The following STIL variants were observed in gnomAD, a reference collection of about 807,000 sequenced individuals.
STIL encodes the protein STIL centriolar assembly protein.
In STIL, 55 loss-of-function variants were observed where a neutral mutation model predicts 110.1. That is an observed-to-expected ratio of 0.50 (90% CI 0.40 to 0.63). The LOEUF (loss-of-function observed/expected upper bound fraction) is 0.63, where lower values mean the gene tolerates loss of function less well. Ranked by LOEUF, STIL falls within the 20% of genes least tolerant of loss-of-function variation. The probability of loss-of-function intolerance (pLI) is 0.00; values close to 1 mark genes in which losing one functional copy is unlikely to be tolerated. For missense variants in STIL, 1,358 were observed against 1,530.0 expected (o/e 0.89, Z 1.87); for synonymous variants, 481 against 530.0 (o/e 0.91, Z 1.27).
In STIL at chr1:47,263,045, C is replaced by T; in HGVS notation, c.2687G>A (p.Ser896Asn). 1.2e-6 allele frequency: 2 copies of T among 1,614,194 alleles called. No homozygotes were observed. The highest frequency in any genetic ancestry group is 1.1e-5 in the South Asian group (1 of 91,082). ...TCCAGTCTGTAAACACATGCTTACACTTTCTGCCAGCTGGCCACTTGGAAA... is the reference window on the plus strand; with the variant it reads ...TCCAGTCTGTAAACACATGCTTACATTTTCTGCCAGCTGGCCACTTGGAAA... ...VFFPSGQLAESVSMCLQTGPT... is the reference protein window; with the variant it reads ...VFFPSGQLAENVSMCLQTGPT... The change falls in exon 15 of 17, where the codon AGT becomes AAT. Residue 896 changes from serine to asparagine, a missense_variant. Ser to Asn is a conservative substitution (Grantham distance 46). Coordinates refer to ENST00000371877, the MANE Select transcript of STIL (RefSeq NM_001048166.1).
chr1:47,253,959 A>G (rs1396307569), intron 16 of STIL, among the ~76,000 whole-genome samples: 1 of 152,000 alleles, frequency 6.6e-6, no homozygotes, highest in Non-Finnish European at 1.5e-5. Context: ...TGAGCAGATC[A>G]CCTGAGGTCA....
Position 47,301,884 on chromosome 1 carries a change from T to C in STIL, c.266-136A>G, listed in dbSNP as rs1645814648. 4.9e-6 allele frequency: 4 copies of C among 810,646 alleles called. No individual in the cohort carries two copies. The South Asian group carries it at 6.3e-5, about 13-fold the overall frequency. 50.2% of individuals were successfully genotyped at this position (810,646 alleles called of 1,614,324 possible). On this transcript the variant is annotated intron_variant, in intron 4 of 16. Coordinates refer to ENST00000371877, the MANE Select transcript of STIL (RefSeq NM_001048166.1). ...AACTCTTAAATACTAAACTAAACTCTTACAGTAAACTAAACTCTTATAAGC... is the reference window on the plus strand; with the variant it reads ...AACTCTTAAATACTAAACTAAACTCCTACAGTAAACTAAACTCTTATAAGC...
At chr1:47,271,383 C>T (rs1238122064) in intron 13 of STIL, among the ~76,000 whole-genome samples, 1 of 151,426 alleles carries the variant, frequency 6.6e-6, no homozygotes, top group African/African-American at 2.4e-5. Flanking sequence ...ACCAGCCTGA[C>T]CAACATAGTG....
intron 2 of STIL, among the ~76,000 whole-genome samples, chr1:47,309,064 A>T (rs1053632707): frequency 3.3e-5 from 5 of 151,966 alleles, no homozygotes; most frequent in African/African-American, 7.2e-5. Flanking sequence ...AAAAAAAAAA[A>T]AAATAATAAT....
At chr1:47,266,491 T>C (rs1263655119) in intron 14 of STIL, among the ~76,000 whole-genome samples, 6 of 152,158 alleles carry the variant, frequency 3.9e-5, no homozygotes, top group Admixed American at 2.0e-4. Flanking sequence ...CCTGAGTAGG[T>C]GGAACTACTA....
intron 4 of STIL, 133 bp from the exon 5 acceptor site, chr1:47,301,881 C>T: frequency 2.4e-6 from 2 of 818,506 alleles, no homozygotes; most frequent in South Asian, 3.1e-5. Flanking sequence ...CTAAACTAAA[C>T]TCTTACAGTA....
chr1:47,296,334 A>G (rs1221682164), intron 6 of STIL, among the ~76,000 whole-genome samples: 1 of 152,168 alleles, frequency 6.6e-6, no homozygotes, highest in Admixed American at 6.5e-5. Context: ...TATTCCTCCA[A>G]CCACTGTCAA....
chr1:47,288,957 G>T (rs1006657968), intron 9 of STIL, among the ~76,000 whole-genome samples: 59 of 149,440 alleles, frequency 3.9e-4, no homozygotes, highest in African/African-American at 1.4e-3. Flanking sequence ...AGCTATTCTG[G>T]AGGTTGAGGC....
chr1:47,263,847 G>C (rs1299877348), intron 14 of STIL, among the ~76,000 whole-genome samples: 1 of 146,410 alleles, frequency 6.8e-6, no homozygotes, highest in East Asian at 2.0e-4. Flanking sequence ...CTGCCTTCTG[G>C]GTTCAAGCGA....
At chr1:47,290,153 C>G (rs1645439004) in intron 8 of STIL, among the ~76,000 whole-genome samples, 1 of 152,102 alleles carries the variant, frequency 6.6e-6, no homozygotes, top group Non-Finnish European at 1.5e-5. Context: ...AAAAGTAGAA[C>G]TCCAAAAGCA....
intron 1 of STIL, among the ~76,000 whole-genome samples, chr1:47,311,287 T>TTC (rs1553184210): frequency 6.7e-6 from 1 of 148,704 alleles, no homozygotes; most frequent in African/African-American, 2.5e-5. Context: ...TTTTTTCTTT[T>TTC]TTTTTTTTTT....
At chr1:47,298,408 A>C (rs2149163662) in intron 6 of STIL, among the ~76,000 whole-genome samples, 1 of 152,340 alleles carries the variant, frequency 6.6e-6, no homozygotes, top group South Asian at 2.1e-4. Context: ...TTTCCTAAGA[A>C]ATTAAGAGTG....
intron 8 of STIL, 48 bp downstream of exon 8, chr1:47,293,410 T>C (rs764311166): frequency 5.6e-5 from 83 of 1,473,188 alleles, no homozygotes; most frequent in Non-Finnish European, 7.7e-5. Flanking sequence ...AAACTATGAA[T>C]GGGGGAAAGG....
chr1:47,305,922 G>A (rs1350572957), intron 2 of STIL, among the ~76,000 whole-genome samples: 2 of 148,044 alleles, frequency 1.4e-5, no homozygotes, highest in Admixed American at 6.8e-5. Flanking sequence ...TAGTAGAGAC[G>A]GGGTTTCACC....
intron 3 of STIL, among the ~76,000 whole-genome samples, chr1:47,304,506 T>G (rs1282455773): frequency 6.6e-6 from 1 of 152,242 alleles, no homozygotes; most frequent in East Asian, 1.9e-4. Flanking sequence ...TAAACTTTCT[T>G]GTCTGTCAAG....
At chr1:47,286,033 T>C (rs1645288551) in intron 10 of STIL, among the ~76,000 whole-genome samples, 1 of 150,770 alleles carries the variant, frequency 6.6e-6, no homozygotes, top group African/African-American at 2.4e-5. Context: ...CTCCAGTGCG[T>C]CCGGCTAATT....
chr1:47,270,828 G>A (rs1255195387), intron 13 of STIL, among the ~76,000 whole-genome samples: 2 of 151,906 alleles, frequency 1.3e-5, no homozygotes, highest in African/African-American at 2.4e-5. Flanking sequence ...GCAGGTGTGC[G>A]CCACCATATG....
At chr1:47,253,006 T>A (rs1234288912) in intron 16 of STIL, among the ~76,000 whole-genome samples, 1 of 152,156 alleles carries the variant, frequency 6.6e-6, no homozygotes, top group Non-Finnish European at 1.5e-5. Context: ...TTTGCTAATG[T>A]TGGCACAATT....
chr1:47,286,154 C>T (rs565618067), intron 10 of STIL, among the ~76,000 whole-genome samples: 6 of 151,998 alleles, frequency 3.9e-5, no homozygotes, highest in Non-Finnish European at 7.4e-5. Flanking sequence ...GGATTACAGG[C>T]GTGAGCCACT....
Sources: gnomAD v4.1 joint callset for allele counts (sites outside exome capture counted in the v4.1 genomes callset) on GRCh38, gnomAD v4.1.1 for gene constraint, MANE v1.5 for transcripts, NCBI Gene and HGNC (gene_info 2026-07-23, HGNC 2026-07-21) for gene names.